FBXL17: variants seen among roughly 807,000 people sequenced by gnomAD.
FBXL17 encodes F-box/LRR-repeat protein 17.
A neutral mutation model predicts 66.2 loss-of-function variants in FBXL17; 22 were observed. That is an observed-to-expected ratio of 0.33 (90% confidence interval 0.24 to 0.47). The LOEUF (loss-of-function observed/expected upper bound fraction) is 0.47, where lower values mean the gene tolerates loss of function less well. Ranked by LOEUF, FBXL17 falls within the 20% of genes least tolerant of loss-of-function variation. FBXL17 has a pLI of 1.00. For missense variants in FBXL17, 878 were observed against 948.2 expected (o/e 0.93, Z 0.97); for synonymous variants, 474 against 400.5 (o/e 1.18, Z -2.19).
chr5:107,861,883 A>G (rs778235887), intron 8 of FBXL17, 23 bp from the exon 9 acceptor site: 15 of 1,485,774 alleles, frequency 1.0e-5, no homozygotes, highest in Non-Finnish European at 1.4e-5. Context: ...AAGAGTCACC[A>G]TCACGCACAG....
chr5:108,035,868 C>T (rs142119511), intron 6 of FBXL17, among the ~76,000 whole-genome samples: 123 of 152,134 alleles, frequency 8.1e-4, no homozygotes, highest in African/African-American at 2.8e-3. Flanking sequence ...TGTGGAGAGG[C>T]CATGAAGACC....
At position 108,204,906 on chromosome 5, in the gene FBXL17, AT is replaced by A. The variant is rs1401330738; in HGVS notation, c.1615-18660del. Among the ~76,000 whole-genome samples, 11 of 151,928 alleles carry A rather than the reference AT, an allele frequency of 7.2e-5. No individual in the cohort carries two copies. In the East Asian group the frequency reaches 1.2e-3, roughly 16 times the overall value. On this transcript the variant is annotated intron_variant, in intron 5 of 8. Coordinates refer to ENST00000542267, the MANE Select transcript of FBXL17 (RefSeq NM_001163315.3). ...CTTAAAACCTAGCTCGATTATCAAT[AT>A]TTTGCATTTTTTTTTCTTTCAGAAA...
chr5:107,866,072 A>T (rs1748262272), intron 8 of FBXL17, among the ~76,000 whole-genome samples: 1 of 131,252 alleles, frequency 7.6e-6, no homozygotes. Flanking sequence ...ATAAAAAGGG[A>T]ACATTAAAGA....
In FBXL17 at chr5:108,254,415, A is replaced by G. The variant is rs907036708; in HGVS notation, c.1507-30187T>C. Among the ~76,000 whole-genome samples, 9 of 152,288 alleles carry G rather than the reference A, an allele frequency of 5.9e-5. 1 individual carries two copies. The South Asian group carries it at 6.2e-4, about 11-fold the overall frequency. The stretch of plus-strand genomic sequence containing the variant: ...CTTCCCTGTCAATTCCCAACTATAC[A>G]GAAAACTGTCCCGAATGCTTTCCTT... On this transcript the variant is annotated intron_variant, in intron 4 of 8. Transcript: ENST00000542267.
intron 6 of FBXL17, among the ~76,000 whole-genome samples, chr5:108,154,870 T>C (rs961365248): frequency 2.0e-5 from 3 of 151,576 alleles, no homozygotes; most frequent in Non-Finnish European, 4.4e-5. Context: ...CAGACTGCTC[T>C]GAAAGCAGGA....
At chr5:108,146,995 C>G (rs1488927669) in intron 6 of FBXL17, among the ~76,000 whole-genome samples, 3 of 152,174 alleles carry the variant, frequency 2.0e-5, no homozygotes, top group Non-Finnish European at 2.9e-5. Flanking sequence ...AAGGTTCTCT[C>G]TCTGCTTCAT....
intron 4 of FBXL17, among the ~76,000 whole-genome samples, chr5:108,337,953 A>G (rs996024445): frequency 6.6e-6 from 1 of 152,024 alleles, no homozygotes; most frequent in East Asian, 1.9e-4. Context: ...AAAAAGCTTA[A>G]AACAATGAAA....
chr5:107,972,845 A>C (rs963217945), intron 7 of FBXL17, among the ~76,000 whole-genome samples: 4 of 152,242 alleles, frequency 2.6e-5, no homozygotes, highest in Non-Finnish European at 5.9e-5. Flanking sequence ...CGAAGTTGTC[A>C]AAATAGTTTA....
At chr5:107,868,957 T>A (rs1264895647) in intron 8 of FBXL17, among the ~76,000 whole-genome samples, 2 of 152,144 alleles carry the variant, frequency 1.3e-5, no homozygotes, top group East Asian at 3.9e-4. Flanking sequence ...CAAACTCAAG[T>A]GTATACCTGC....
At chr5:108,019,467 A>T (rs1754503912) in intron 7 of FBXL17, among the ~76,000 whole-genome samples, 1 of 152,096 alleles carries the variant, frequency 6.6e-6, no homozygotes, top group South Asian at 2.1e-4. Context: ...AGAGTTCATT[A>T]TAAGGGATTT....
At chr5:108,063,121 CT>C (rs1270073159) in intron 6 of FBXL17, among the ~76,000 whole-genome samples, 1 of 151,972 alleles carries the variant, frequency 6.6e-6, no homozygotes, top group Non-Finnish European at 1.5e-5. Flanking sequence ...ATGTGTTTTT[CT>C]TTTTTAAGTT....
At chr5:107,992,237 C>A (rs1170935741) in intron 7 of FBXL17, among the ~76,000 whole-genome samples, 2 of 151,864 alleles carry the variant, frequency 1.3e-5, no homozygotes, top group Non-Finnish European at 2.9e-5. Context: ...GTTTAATGAT[C>A]AATAGATTGA....
In FBXL17 at chr5:107,861,828, C is replaced by T. The variant is rs138232838; in HGVS notation, c.1998G>A (p.Gln666=). The change falls in exon 9 of 9, where the codon CAG becomes CAA. Residue 666 remains glutamine (Q), a synonymous_variant. Coordinates refer to ENST00000542267, the MANE Select transcript of FBXL17 (RefSeq NM_001163315.3). ...TGCTGAAGGTGATGTGGGGGTACTG[C>T]TGCACCAGCTGTTCCACCGTCACTT... ...VNEVTVEQLV[Q]QYPHITFSTV... 1.3e-6 allele frequency: 2 copies of T among 1,556,164 alleles called. No individual in the cohort carries two copies. The highest frequency in any genetic ancestry group is 2.4e-5 in the East Asian group (1 of 41,290).
chr5:108,381,752 C>T lies in FBXL17; in HGVS notation c.-61G>A, dbSNP rs573512020. 2.7e-5 allele frequency: 37 copies of T among 1,376,996 alleles called. No homozygotes were observed. The highest frequency in any genetic ancestry group is 3.3e-5 in the Non-Finnish European group (35 of 1,071,418). 85.3% of individuals were successfully genotyped at this position (1,376,996 alleles called of 1,614,324 possible). On this transcript the variant is annotated 5_prime_UTR_variant, in exon 1 of 9. Transcript: ENST00000542267. ...GGAGGGAGACCCAGAGAGGCGGGCTCCCGGCAGCGGGGCAGGCCGCTCGCT... is the reference window on the plus strand; with the variant it reads ...GGAGGGAGACCCAGAGAGGCGGGCTTCCGGCAGCGGGGCAGGCCGCTCGCT...
intron 4 of FBXL17, among the ~76,000 whole-genome samples, chr5:108,257,686 C>T (rs1419325209): frequency 1.3e-5 from 2 of 152,044 alleles, no homozygotes; most frequent in African/African-American, 4.8e-5. Context: ...AGTGGCAGAA[C>T]CAAGAAACCA....
intron 4 of FBXL17, among the ~76,000 whole-genome samples, chr5:108,243,757 T>C (rs1036211580): frequency 1.3e-5 from 2 of 152,188 alleles, no homozygotes; most frequent in Admixed American, 6.5e-5. Context: ...AAATTAAATC[T>C]ACCATACAGA....
chr5:107,916,984 T>C (rs1419229777), intron 7 of FBXL17, among the ~76,000 whole-genome samples: 1 of 152,220 alleles, frequency 6.6e-6, no homozygotes, highest in Admixed American at 6.5e-5. Context: ...TGAAGAATCC[T>C]ACTTAGGATT....
chr5:108,349,935 C>T (rs1747536263), intron 3 of FBXL17, among the ~76,000 whole-genome samples: 2 of 152,250 alleles, frequency 1.3e-5, no homozygotes, highest in South Asian at 4.1e-4. Flanking sequence ...CTTAGCAATA[C>T]CTAAGACTTT....
At chr5:108,253,377 T>A (rs893293777) in intron 4 of FBXL17, among the ~76,000 whole-genome samples, 3 of 152,196 alleles carry the variant, frequency 2.0e-5, no homozygotes, top group East Asian at 1.9e-4. Flanking sequence ...GTATTATTTT[T>A]AAATCTTTTC....
Sources: gnomAD v4.1 joint callset for allele counts (sites outside exome capture counted in the v4.1 genomes callset) on GRCh38, gnomAD v4.1.1 for gene constraint, MANE v1.5 for transcripts, NCBI Gene and HGNC (gene_info 2026-07-23, HGNC 2026-07-21) for gene names.